Variants in EPB41L4B observed in about 807,000 individuals in gnomAD.
EPB41L4B encodes the protein erythrocyte membrane protein band 4.1 like 4B, also known as band 4.1-like protein 4B.
Under a neutral mutation model 112.5 loss-of-function variants are expected in EPB41L4B, and 30 were observed. The ratio of observed to expected loss-of-function variants is 0.27; its 90% CI spans 0.20 to 0.36. The LOEUF is 0.36. Ranked by LOEUF, EPB41L4B falls within the 10% of genes least tolerant of loss-of-function variation. The pLI is 1.00. For missense variants in EPB41L4B, 1,024 were observed against 1,133.3 expected, an observed-to-expected ratio of 0.90 and a Z score of 1.38; for synonymous variants, 408 against 439.7, an observed-to-expected ratio of 0.93 and a Z score of 0.90.
chr9:109,248,801 T>G (rs1834657395), intron 13 of EPB41L4B, among the ~76,000 whole-genome samples: 1 of 151,990 alleles, frequency 6.6e-6, no homozygotes. Context: ...AGCTCACACC[T>G]GTAATCCCAG....
intron 15 of EPB41L4B, among the ~76,000 whole-genome samples, chr9:109,234,100 T>TAA (rs11309784): frequency 0.039 from 5,746 of 145,488 alleles, 123 homozygotes; most frequent in Non-Finnish European, 0.05. Context: ...CAGACTAAGT[T>TAA]AAAAAAAAAA....
At chr9:109,219,063 G>C (rs1265686792) in intron 15 of EPB41L4B, among the ~76,000 whole-genome samples, 1 of 151,898 alleles carries the variant, frequency 6.6e-6, no homozygotes, top group African/African-American at 2.4e-5. Flanking sequence ...AAGACAGTTA[G>C]GTTTTGCTGG....
At chr9:109,275,113 C>T (rs1342720887) in intron 2 of EPB41L4B, among the ~76,000 whole-genome samples, 3 of 152,190 alleles carry the variant, frequency 2.0e-5, no homozygotes, top group Non-Finnish European at 2.9e-5. Context: ...GGTCCTAGTC[C>T]CAACTGCTAA....
chr9:109,231,898 T>C (rs1297748910), intron 15 of EPB41L4B, among the ~76,000 whole-genome samples: 1 of 151,722 alleles, frequency 6.6e-6, no homozygotes, highest in African/African-American at 2.4e-5. Flanking sequence ...CATGACCAAG[T>C]TTATTCAATC....
At chr9:109,258,351 T>C in intron 6 of EPB41L4B, 54 bp from the exon 7 acceptor site, 2 of 1,591,354 alleles carry the variant, frequency 1.3e-6, no homozygotes, top group Non-Finnish European at 8.6e-7. Flanking sequence ...ATTTCAGTTA[T>C]TGCTGCAACC....
intron 1 of EPB41L4B, among the ~76,000 whole-genome samples, chr9:109,318,567 C>A (rs147495097): frequency 1.3e-5 from 2 of 152,168 alleles, no homozygotes; most frequent in East Asian, 3.9e-4. Flanking sequence ...TTTCCCAGAT[C>A]CGAGATGCAA....
intron 15 of EPB41L4B, among the ~76,000 whole-genome samples, chr9:109,220,156 A>C (rs1037504911): frequency 1.3e-5 from 2 of 152,198 alleles, no homozygotes; most frequent in Non-Finnish European, 2.9e-5. Context: ...CACATGCTTG[A>C]AATCAGAGGA....
In EPB41L4B at chr9:109,240,671, C is replaced by G. The variant is rs1834321845; in HGVS notation, c.1409+2947G>C. ...ACCAACAGACTAGGGCAACAACCAT[C>G]TCATCCTACTCTACAGAATGCTTTG... On this transcript the variant is annotated intron_variant, in intron 15 of 25. Coordinates refer to ENST00000374566, the MANE Select transcript of EPB41L4B (RefSeq NM_019114.5). The G allele has an allele frequency of 4.1e-6, 4 of 985,446 alleles. No homozygotes were observed. In the South Asian group the frequency reaches 1.9e-4, roughly 46 times the overall value. The allele number at this position is 985,446 out of a possible 1,614,324, so 61.0% of individuals were successfully genotyped here.
chr9:109,318,979 A>T (rs1352686767), intron 1 of EPB41L4B, among the ~76,000 whole-genome samples: 1 of 152,204 alleles, frequency 6.6e-6, no homozygotes, highest in Non-Finnish European at 1.5e-5. Context: ...CATGAAGTCC[A>T]AACATTTCTC....
In EPB41L4B at chr9:109,228,194, G is replaced by A. The variant is rs543426197; in HGVS notation, c.1410-11049C>T. Among the ~76,000 whole-genome samples the A allele has an allele frequency of 2.4e-4, 37 of 152,294 alleles. 1 individual carries two copies. Among genetic ancestry groups the A allele is most frequent in the South Asian group, 4.1e-4 (2 of 4,822 alleles). On this transcript the variant is annotated intron_variant, in intron 15 of 25. Coordinates refer to ENST00000374566, the MANE Select transcript of EPB41L4B (RefSeq NM_019114.5). Reference sequence around the variant, plus strand: ...CTGATAAATTCTACTTATCAGGTTAGACAGTTCTTCCACTCTTAGCTTACT... The same window carrying A: ...CTGATAAATTCTACTTATCAGGTTAAACAGTTCTTCCACTCTTAGCTTACT...
chr9:109,237,147 A>G (rs1834174077), intron 15 of EPB41L4B, among the ~76,000 whole-genome samples: 1 of 152,218 alleles, frequency 6.6e-6, no homozygotes, highest in Non-Finnish European at 1.5e-5. Flanking sequence ...ATGGTGCAAT[A>G]TTAACAGGCA....
intron 15 of EPB41L4B, among the ~76,000 whole-genome samples, chr9:109,222,414 C>T (rs2118863171): frequency 1.3e-5 from 2 of 152,286 alleles, no homozygotes; most frequent in Middle Eastern, 3.4e-3. Context: ...TTGCTCATGG[C>T]TTCATGGATT....
chr9:109,274,090 A>T lies in EPB41L4B; in HGVS notation c.412-5657T>A, dbSNP rs1588197175. On this transcript the variant is annotated intron_variant, in intron 2 of 25. Coordinates refer to ENST00000374566, the MANE Select transcript of EPB41L4B (RefSeq NM_019114.5). ...ATGCAGCCCTGCGCCTCTCACTGCC[A>T]GATTCTATGCTGCAAAGGCCAGAGG... Among the ~76,000 whole-genome samples, 3 of 152,216 alleles carry T rather than the reference A, an allele frequency of 2.0e-5. No individual in the cohort carries two copies. The East Asian group carries it at 5.8e-4, about 29-fold the overall frequency.
intron 13 of EPB41L4B, among the ~76,000 whole-genome samples, chr9:109,248,652 C>T (rs1213553798): frequency 6.6e-6 from 1 of 152,034 alleles, no homozygotes; most frequent in Non-Finnish European, 1.5e-5. Flanking sequence ...CACATGTTGC[C>T]CGGGCTGGTC....
chr9:109,295,123 G>A (rs1158915884), intron 1 of EPB41L4B, among the ~76,000 whole-genome samples: 9 of 152,154 alleles, frequency 5.9e-5, no homozygotes, highest in African/African-American at 1.7e-4. Context: ...ACCTATGGAC[G>A]TTGAGTCACA....
chr9:109,220,635 T>C (rs186613210), intron 15 of EPB41L4B, among the ~76,000 whole-genome samples: 15 of 152,270 alleles, frequency 9.9e-5, no homozygotes, highest in Admixed American at 8.5e-4. Flanking sequence ...CAGGAGACAG[T>C]CCAGAAGAAA....
chr9:109,176,071 C>T (rs1263829668), intron 25 of EPB41L4B, among the ~76,000 whole-genome samples: 1 of 145,964 alleles, frequency 6.9e-6, no homozygotes, highest in African/African-American at 2.5e-5. Flanking sequence ...CACACACACA[C>T]ACACACACAC....
chr9:109,240,813 T>A, intron 15 of EPB41L4B: 1 of 985,484 alleles, frequency 1.0e-6, no homozygotes. Flanking sequence ...TCTGACAGTG[T>A]GTATTCACAA....
chr9:109,284,264 T>C (rs1218131723), intron 1 of EPB41L4B, among the ~76,000 whole-genome samples: 1 of 152,192 alleles, frequency 6.6e-6, no homozygotes, highest in Non-Finnish European at 1.5e-5. Context: ...AACAGAATGC[T>C]TGCATGGGTA....
Sources: gnomAD v4.1 joint callset for allele counts (sites outside exome capture counted in the v4.1 genomes callset) on GRCh38, gnomAD v4.1.1 for gene constraint, MANE v1.5 for transcripts, NCBI Gene and HGNC (gene_info 2026-07-23, HGNC 2026-07-21) for gene names.